Variants in ABCA12 observed in about 807,000 individuals in gnomAD.
The protein encoded by ABCA12 is glucosylceramide transporter ABCA12.
Under a neutral mutation model 293.5 loss-of-function variants are expected in ABCA12, and 156 were observed. That is an observed-to-expected ratio of 0.53 (90% CI 0.47 to 0.61). The LOEUF (loss-of-function observed/expected upper bound fraction) is 0.61. Ranked by LOEUF, ABCA12 falls within the 20% of genes least tolerant of loss-of-function variation. The pLI, the probability that ABCA12 is intolerant of heterozygous loss-of-function variation, is 0.00. For missense variants in ABCA12, 2,797 were observed against 3,090.2 expected, an observed-to-expected ratio of 0.91 and a Z score of 2.25; for synonymous variants, 1,063 against 1,108.0, an observed-to-expected ratio of 0.96 and a Z score of 0.81.
At chr2:215,126,873 G>T (rs1447727544) in intron 1 of ABCA12, among the ~76,000 whole-genome samples, 1 of 152,024 alleles carries the variant, frequency 6.6e-6, no homozygotes, top group Non-Finnish European at 1.5e-5. Flanking sequence ...GTTCCTTGAG[G>T]TGTGACCTTA....
intron 2 of ABCA12, among the ~76,000 whole-genome samples, chr2:215,068,438 A>G (rs1263680088): frequency 1.3e-5 from 2 of 152,154 alleles, no homozygotes; most frequent in East Asian, 1.9e-4. Flanking sequence ...TTGTATTCCA[A>G]TAAAACTTTA....
chr2:214,942,637 C>CTGTT (rs1350572863), intron 50 of ABCA12, among the ~76,000 whole-genome samples: 1 of 151,894 alleles, frequency 6.6e-6, no homozygotes, highest in Non-Finnish European at 1.5e-5. Flanking sequence ...TGGTTATGAA[C>CTGTT]TGTTTATTAT....
chr2:215,006,543 TGAATA>T (rs1394340687), intron 19 of ABCA12, among the ~76,000 whole-genome samples: 3 of 152,320 alleles, frequency 2.0e-5, no homozygotes, highest in Middle Eastern at 3.4e-3. Context: ...AAACAAAGAC[TGAATA>T]AAAGCACCTT....
intron 23 of ABCA12, 89 bp downstream of exon 23, chr2:214,997,606 T>A: frequency 5.0e-6 from 5 of 1,006,488 alleles, no homozygotes; most frequent in Non-Finnish European, 7.6e-6. Flanking sequence ...TAAGTTAGGC[T>A]TTCTGAAGTT....
chr2:215,113,875 C>T (rs549664834), intron 1 of ABCA12, among the ~76,000 whole-genome samples: 10 of 152,162 alleles, frequency 6.6e-5, no homozygotes, highest in Admixed American at 2.0e-4. Context: ...TATCTTAAAG[C>T]GCTGTTTATA....
chr2:214,934,381 A>T (rs556464590), intron 51 of ABCA12, among the ~76,000 whole-genome samples, 166 bp from the exon 52 acceptor site: 2 of 152,346 alleles, frequency 1.3e-5, no homozygotes, highest in African/African-American at 2.4e-5. Context: ...GCTTGCAAAG[A>T]TGAGATGAAA....
chr2:215,010,530 T>C lies in ABCA12; in HGVS notation c.2333-60A>G, dbSNP rs968933211. The C allele has an allele frequency of 6.4e-6, 10 of 1,558,764 alleles. No individual in the cohort carries two copies. The African/African-American group carries it at 8.2e-5, about 13-fold the overall frequency. Reference sequence around the variant, plus strand: ...GATGTACTTCAAATCCATTTCCACATGGCAAATTGACAGAGATTATTCTTA... The same window carrying C: ...GATGTACTTCAAATCCATTTCCACACGGCAAATTGACAGAGATTATTCTTA... On this transcript the variant is annotated intron_variant, in intron 17 of 52. Coordinates refer to ENST00000272895, the MANE Select transcript of ABCA12 (RefSeq NM_173076.3).
intron 19 of ABCA12, among the ~76,000 whole-genome samples, chr2:215,007,318 C>T (rs1466183467): frequency 6.6e-6 from 1 of 152,078 alleles, no homozygotes; most frequent in African/African-American, 2.4e-5. Flanking sequence ...TAAATTTCTA[C>T]CATGGAATTC....
Position 215,134,616 on chromosome 2 carries a change from TAG to T in ABCA12, c.69+3522_69+3523del, listed in dbSNP as rs1212910485. ...CTCTCTCTCTATATATATATATATA[TAG>T]AGAGAGAGAGAGAGAGAGAGAGACA... On this transcript the variant is annotated intron_variant, in intron 1 of 52. Coordinates refer to ENST00000272895, the MANE Select transcript of ABCA12 (RefSeq NM_173076.3). 7.0e-3 allele frequency among the ~76,000 whole-genome samples: 561 copies of T among 80,572 alleles called. 38 individuals carry two copies. The highest frequency in any genetic ancestry group is 0.019 in the African/African-American group (296 of 15,476). 52.9% of individuals were successfully genotyped at this position (80,572 alleles called of 152,430 possible). A position where few individuals can be genotyped will look rare whatever the true frequency, so the allele number is the denominator to read the frequency against.
At chr2:215,051,238 C>T (rs1317775161) in intron 5 of ABCA12, among the ~76,000 whole-genome samples, 1 of 152,086 alleles carries the variant, frequency 6.6e-6, no homozygotes, top group Non-Finnish European at 1.5e-5. Context: ...CTGGAATTAA[C>T]TGGGCATATT....
At chr2:214,994,543 G>A (rs998520548) in intron 23 of ABCA12, among the ~76,000 whole-genome samples, 2 of 152,172 alleles carry the variant, frequency 1.3e-5, no homozygotes, top group African/African-American at 2.4e-5. Flanking sequence ...ATTTACTTGA[G>A]AGCAATGTCT....
intron 1 of ABCA12, among the ~76,000 whole-genome samples, chr2:215,136,535 A>G (rs2105924506): frequency 6.6e-6 from 1 of 152,318 alleles, no homozygotes; most frequent in Admixed American, 6.5e-5. Context: ...ATTATTGACA[A>G]TAACACGTAC....
intron 1 of ABCA12, among the ~76,000 whole-genome samples, chr2:215,137,177 C>T (rs1399242826): frequency 6.6e-6 from 1 of 152,180 alleles, no homozygotes; most frequent in Non-Finnish European, 1.5e-5. Flanking sequence ...TGAACATCTA[C>T]TTCCTCCTCT....
intron 1 of ABCA12, among the ~76,000 whole-genome samples, chr2:215,134,605 A>ATATTCTCTCTCTCTC (rs1703163865): frequency 1.1e-5 from 1 of 94,690 alleles, no homozygotes; most frequent in Admixed American, 1.1e-4. Flanking sequence ...CTCTCTATAT[A>ATATTCTCTCTCTCTC]TATATATATA....
rs1700374053 is a variant in ABCA12 at position 215,011,584 on chromosome 2, T to C, written c.2187A>G (p.Leu729=). The change falls in exon 17 of 53, where the codon TTA becomes TTG. Residue 729 remains leucine, a synonymous_variant. Transcript: ENST00000272895. ...ATTCAGTGGTAATTCCTTGAGAACA[T>C]AATGCTTGGGAGATGGTGCTAAATG... ...QGSFSTISQA[L]CSQGITTEYL... The C allele has an allele frequency of 6.2e-7, 1 of 1,613,972 alleles. No individual in the cohort carries two copies. Among genetic ancestry groups the C allele is most frequent in the Non-Finnish European group, 8.5e-7 (1 of 1,179,962 alleles).
In ABCA12 at chr2:215,111,154, C is replaced by T. The variant is rs1167223091; in HGVS notation, c.163+443G>A. On this transcript the variant is annotated intron_variant, in intron 2 of 52. Transcript: ENST00000272895. ...TGAACTAAATGTGTTGACACATTTA[C>T]ACCACTCAAATATCAGCCCTAAAGA... Among the ~76,000 whole-genome samples the T allele has an allele frequency of 9.2e-5, 14 of 152,204 alleles. No individual in the cohort carries two copies. In the South Asian group the frequency reaches 2.7e-3, roughly 29 times the overall value.
chr2:215,118,335 G>C (rs922657837), intron 1 of ABCA12, among the ~76,000 whole-genome samples: 3 of 152,080 alleles, frequency 2.0e-5, no homozygotes, highest in Non-Finnish European at 4.4e-5. Context: ...CCAAGAGATG[G>C]AGGTTGCAGC....
Position 214,958,357 on chromosome 2 carries a change from G to C in ABCA12, c.6037C>G (p.Gln2013Glu). ...SFVTYVVREH[Q>E]TKAKQLQHIS... ...TGCTGCAACTGTTTGGCTTTGGTTTGATGTTCCCTTACAACATAGGTGACA... is the reference window on the plus strand; with the variant it reads ...TGCTGCAACTGTTTGGCTTTGGTTTCATGTTCCCTTACAACATAGGTGACA... Residue 2013 changes from glutamine (Q) to glutamate (E), a missense_variant, in exon 41 of 53, where the codon CAA (glutamine) becomes GAA (glutamate). Transcript: ENST00000272895. 1.2e-6 allele frequency: 2 copies of C among 1,613,994 alleles called. No individual in the cohort carries two copies. Among genetic ancestry groups the C allele is most frequent in the Non-Finnish European group, 1.7e-6 (2 of 1,179,918 alleles).
chr2:215,134,607 A>C (rs1266022241), intron 1 of ABCA12, among the ~76,000 whole-genome samples: 4 of 100,142 alleles, frequency 4.0e-5, no homozygotes, highest in Admixed American at 2.0e-4. Context: ...CTCTATATAT[A>C]TATATATATA....
Sources: gnomAD v4.1 joint callset for allele counts (sites outside exome capture counted in the v4.1 genomes callset) on GRCh38, gnomAD v4.1.1 for gene constraint, MANE v1.5 for transcripts, NCBI Gene and HGNC (gene_info 2026-07-23, HGNC 2026-07-21) for gene names.